The following DOCK2 variants were observed in gnomAD, a reference collection of about 807,000 sequenced individuals.
The protein encoded by DOCK2 is dedicator of cytokinesis protein 2.
Under a neutral mutation model 248.9 loss-of-function variants are expected in DOCK2, and 87 were observed. The observed-to-expected ratio is 0.35, with a 90% CI of 0.29 to 0.42. The LOEUF (loss-of-function observed/expected upper bound fraction) is 0.42, where lower values mean the gene tolerates loss of function less well. Ranked by LOEUF, DOCK2 falls within the 10% of genes least tolerant of loss-of-function variation. The pLI is 1.00. For synonymous variants in DOCK2, 805 were observed against 821.6 expected (o/e 0.98, Z 0.35); for missense variants, 1,747 against 2,300.2 (o/e 0.76, Z 4.92).
chr5:169,896,008 G>T (rs1457956009), intron 27 of DOCK2, among the ~76,000 whole-genome samples: 3 of 152,174 alleles, frequency 2.0e-5, no homozygotes, highest in Admixed American at 2.0e-4. Flanking sequence ...TCTCAAGCCT[G>T]GCCTTGGCCA....
intron 26 of DOCK2, among the ~76,000 whole-genome samples, chr5:169,839,090 G>A (rs1009238131): frequency 4.3e-4 from 65 of 152,282 alleles, no homozygotes; most frequent in African/African-American, 1.5e-3. Flanking sequence ...GGTCATCCAC[G>A]TTTTCAGCCA....
intron 27 of DOCK2, among the ~76,000 whole-genome samples, chr5:169,930,670 T>G (rs1003307309): frequency 1.3e-5 from 2 of 152,232 alleles, no homozygotes; most frequent in Non-Finnish European, 2.9e-5. Flanking sequence ...TTAAGTTTTG[T>G]AATTTTACCT....
intron 1 of DOCK2, among the ~76,000 whole-genome samples, chr5:169,646,256 C>A (rs970399775): frequency 6.6e-6 from 1 of 152,028 alleles, no homozygotes; most frequent in Non-Finnish European, 1.5e-5. Flanking sequence ...GTTGTAGATG[C>A]GTGGTGTTAT....
chr5:169,926,703 A>G (rs947994916), intron 27 of DOCK2, among the ~76,000 whole-genome samples: 5 of 152,234 alleles, frequency 3.3e-5, no homozygotes, highest in African/African-American at 9.7e-5. Flanking sequence ...ATTTAAAGAA[A>G]AACAAACCAA....
At chr5:169,810,026 A>G (rs1327614188) in intron 26 of DOCK2, among the ~76,000 whole-genome samples, 1 of 152,142 alleles carries the variant, frequency 6.6e-6, no homozygotes, top group Admixed American at 6.5e-5. Flanking sequence ...TGCAGAAACC[A>G]GAGTGCTATG....
At chr5:170,027,502 C>T (rs916338612) in intron 33 of DOCK2, among the ~76,000 whole-genome samples, 5 of 152,164 alleles carry the variant, frequency 3.3e-5, no homozygotes, top group Admixed American at 3.3e-4. Flanking sequence ...CTTGGAATGT[C>T]CTTTCCCTTT....
intron 32 of DOCK2, among the ~76,000 whole-genome samples, chr5:170,010,083 A>G (rs904065747): frequency 1.3e-5 from 2 of 152,176 alleles, no homozygotes; most frequent in Admixed American, 6.5e-5. Context: ...ACGTGGAGCC[A>G]TGGAGGCCAC....
At chr5:169,787,068 T>A (rs185394569) in intron 25 of DOCK2, among the ~76,000 whole-genome samples, 2 of 152,326 alleles carry the variant, frequency 1.3e-5, no homozygotes, top group Admixed American at 1.3e-4. Flanking sequence ...GCTGTTATTA[T>A]TTCCACTTTA....
chr5:169,781,815 A>G (rs1377316153), intron 25 of DOCK2, among the ~76,000 whole-genome samples: 1 of 152,128 alleles, frequency 6.6e-6, no homozygotes, highest in Non-Finnish European at 1.5e-5. Context: ...AGCAGTCAGG[A>G]CATTGCCCCC....
chr5:170,081,532 C>T (rs981177738), intron 50 of DOCK2: 3 of 338,008 alleles, frequency 8.9e-6, no homozygotes, highest in Non-Finnish European at 1.6e-5. Flanking sequence ...GAAGAGTAAG[C>T]TCACACTGTC....
At chr5:169,772,470 C>T (rs1581167557) in intron 25 of DOCK2, among the ~76,000 whole-genome samples, 1 of 152,174 alleles carries the variant, frequency 6.6e-6, no homozygotes, top group Admixed American at 6.5e-5. Flanking sequence ...GCAGTTGCAA[C>T]AGCAACTGAC....
At chr5:169,684,840 G>A (rs996389264) in intron 8 of DOCK2, among the ~76,000 whole-genome samples, 2 of 152,086 alleles carry the variant, frequency 1.3e-5, no homozygotes, top group African/African-American at 2.4e-5. Flanking sequence ...ATAGAGGCAG[G>A]GTCTTGCTGC....
rs1769505860 is a variant in DOCK2 at position 169,835,400 on chromosome 5, A to G, written c.2704-5357A>G. 2.6e-5 allele frequency among the ~76,000 whole-genome samples: 4 copies of G among 151,538 alleles called. No individual in the cohort carries two copies. The South Asian group carries it at 8.3e-4, about 32-fold the overall frequency. On this transcript the variant is annotated intron_variant, in intron 26 of 51. Coordinates refer to ENST00000520908, the MANE Select transcript of DOCK2 (RefSeq NM_004946.3). ...CTTCCAAGTAGCTGGGACTACAGGC[A>G]TGCGCCATCATGCCTGGCTAATTTT...
At chr5:169,825,007 A>G (rs370849596) in intron 26 of DOCK2, among the ~76,000 whole-genome samples, 1,876 of 152,338 alleles carry the variant, frequency 0.012, 19 homozygotes, top group Non-Finnish European at 0.021. Context: ...CAGCCAAAAA[A>G]CACATGAAAA....
intron 1 of DOCK2, among the ~76,000 whole-genome samples, chr5:169,641,339 G>A (rs191279658): frequency 6.6e-6 from 1 of 152,184 alleles, no homozygotes. Context: ...TTCACAGCTT[G>A]GTTGGGGAAT....
intron 15 of DOCK2, among the ~76,000 whole-genome samples, chr5:169,710,479 G>GTC: frequency 6.6e-6 from 1 of 152,168 alleles, no homozygotes; most frequent in Non-Finnish European, 1.5e-5. Flanking sequence ...ATAATTCCTT[G>GTC]ACAGAAGTGA....
intron 30 of DOCK2, among the ~76,000 whole-genome samples, chr5:170,002,862 T>C (rs2113804467): frequency 6.6e-6 from 1 of 152,352 alleles, no homozygotes; most frequent in African/African-American, 2.4e-5. Flanking sequence ...AAAGACACAC[T>C]GTAGCTTCCC....
intron 30 of DOCK2, among the ~76,000 whole-genome samples, chr5:170,003,158 A>T (rs1351767718): frequency 6.6e-6 from 1 of 152,240 alleles, no homozygotes; most frequent in African/African-American, 2.4e-5. Flanking sequence ...CATTCCATTT[A>T]CTGAGCACTT....
intron 26 of DOCK2, among the ~76,000 whole-genome samples, chr5:169,837,888 T>C (rs1769688923): frequency 6.6e-6 from 1 of 152,096 alleles, no homozygotes; most frequent in Non-Finnish European, 1.5e-5. Flanking sequence ...GTCTAATTGC[T>C]GCTCTTTGGA....
Sources: allele counts gnomAD v4.1 joint callset (sites outside exome capture counted in the v4.1 genomes callset), GRCh38; gene constraint gnomAD v4.1.1; transcripts MANE v1.5; gene names NCBI Gene and HGNC (gene_info 2026-07-23, HGNC 2026-07-21).